The following TEDC1 variants were observed in gnomAD, a reference collection of about 807,000 sequenced individuals.
TEDC1 encodes tubulin epsilon and delta complex protein 1.
Under a neutral mutation model 59.9 loss-of-function variants are expected in TEDC1, and 54 were observed. The ratio of observed to expected loss-of-function variants is 0.90; its 90% CI spans 0.72 to 1.13. The LOEUF (loss-of-function observed/expected upper bound fraction) is 1.13. Among genes scored for constraint, TEDC1 ranks in the 50% most tolerant of loss-of-function variants. The pLI is 0.00. For synonymous variants in TEDC1, 353 were observed against 298.1 expected, an observed-to-expected ratio of 1.18 and a Z score of -1.90; for missense variants, 734 against 683.4, an observed-to-expected ratio of 1.07 and a Z score of -0.83.
At chr14:105,490,929 G>C, upstream of TEDC1, 2 of 1,155,954 alleles carry the variant, frequency 1.7e-6, no homozygotes, top group Non-Finnish European at 2.5e-6. Flanking sequence ...GTCGGGTGTC[G>C]TGACGATTGA....
intron 8 of TEDC1, among the ~76,000 whole-genome samples, 157 bp downstream of exon 8, chr14:105,498,134 C>T (rs1430478154): frequency 1.3e-5 from 2 of 152,200 alleles, no homozygotes; most frequent in Admixed American, 1.3e-4. Flanking sequence ...CGGGAGGGCA[C>T]CTGGTGAGGA....
At chr14:105,491,952 C>T (rs190216074) in intron 2 of TEDC1, among the ~76,000 whole-genome samples, 155 bp from the exon 3 acceptor site, 1 of 152,364 alleles carries the variant, frequency 6.6e-6, no homozygotes, top group African/African-American at 2.4e-5. Flanking sequence ...CCCTGGTCTC[C>T]TCATCCTGGT....
chr14:105,497,597 T>C, intron 7 of TEDC1, 154 bp downstream of exon 7: 1 of 1,130,390 alleles, frequency 8.8e-7, no homozygotes, highest in Non-Finnish European at 1.2e-6. Flanking sequence ...CCACTCGCCT[T>C]CTGGGGAGGC....
intron 4 of TEDC1, 151 bp from the exon 5 acceptor site, chr14:105,493,684 C>T (rs2084271357): frequency 3.2e-6 from 2 of 632,180 alleles, no homozygotes; most frequent in Non-Finnish European, 5.6e-6. Flanking sequence ...CCAGCCCCGC[C>T]AACCTCAGGC....
intron 8 of TEDC1, among the ~76,000 whole-genome samples, chr14:105,498,370 C>T (rs1451574545): frequency 1.3e-5 from 2 of 152,270 alleles, no homozygotes; most frequent in African/African-American, 4.8e-5. Flanking sequence ...CCCGCTTAAC[C>T]TGCGCAGGTT....
chr14:105,493,624 G>A (rs587772291), intron 4 of TEDC1, among the ~76,000 whole-genome samples: 6 of 152,220 alleles, frequency 3.9e-5, no homozygotes, highest in African/African-American at 9.6e-5. Flanking sequence ...ATTGCCTGGC[G>A]CCCCCTTGCA....
At chr14:105,493,096 C>T (rs1369513970) in intron 4 of TEDC1, among the ~76,000 whole-genome samples, 2 of 152,120 alleles carry the variant, frequency 1.3e-5, no homozygotes. Flanking sequence ...AGGAAGACAG[C>T]TCCTGTTGCC....
In TEDC1 at chr14:105,498,789, G is replaced by A. The variant is rs781999003; in HGVS notation, c.1331G>A (p.Arg444Gln). Residue 444 changes from arginine (R) to glutamine (Q), a missense_variant, in exon 9 of 9, where the codon CGG becomes CAG. By Grantham distance (43) the Arg-to-Gln change is conservative. Transcript: ENST00000392523. The stretch of plus-strand genomic sequence containing the variant: ...CGAGAGGATGGGGCAGCAGGGGACC[G>A]GGACCTGCGGGCAGCTGTGGTGATC... ...VRREDGAAGD[R>Q]DLRAAVVIRT... is the part of the protein sequence containing the mutation. 16 of 1,581,888 alleles carry A rather than the reference G, an allele frequency of 1.0e-5. No individual in the cohort carries two copies. The highest frequency in any genetic ancestry group is 4.6e-5 in the East Asian group (2 of 43,324).
intron 6 of TEDC1, 189 bp downstream of exon 6, chr14:105,496,275 T>C (rs1595476960): frequency 3.2e-6 from 2 of 631,310 alleles, no homozygotes; most frequent in Middle Eastern, 4.4e-4. Flanking sequence ...GTGGAGGCCT[T>C]TGCTCTTCTT....
At position 105,499,222 on chromosome 14, in the gene TEDC1, T is replaced by G; in HGVS notation, c.*276T>G. 1 of 531,258 alleles carries G rather than the reference T, an allele frequency of 1.9e-6. No individual in the cohort carries two copies. The highest frequency in any genetic ancestry group is 3.4e-6 in the Non-Finnish European group (1 of 298,384). 32.9% of individuals were successfully genotyped at this position (531,258 alleles called of 1,614,324 possible). On this transcript the variant is annotated 3_prime_UTR_variant, in exon 9 of 9. Transcript: ENST00000392523. ...GACTCGGAAATAAATTGTAGCAGCT[T>G]TCCTGCCGCTGGCCCTCCCCCTGCC...
At position 105,493,180 on chromosome 14, in the gene TEDC1, CAG is replaced by C. The variant is rs1203955299; in HGVS notation, c.585+447_585+448del. ...GTCCTGAAGGTGGCAGGGGCTGGCT[CAG>C]GGGCACAGGTACCCAGTGGTGTGTC... On this transcript the variant is annotated intron_variant, in intron 4 of 8. Coordinates refer to ENST00000392523, the MANE Select transcript of TEDC1 (RefSeq NM_001367178.1). 4.6e-5 allele frequency among the ~76,000 whole-genome samples: 7 copies of C among 152,146 alleles called. No homozygotes were observed. In the East Asian group the frequency reaches 1.2e-3, roughly 25 times the overall value.
At chr14:105,490,903 C>CT, upstream of TEDC1, 1 of 973,248 alleles carries the variant, frequency 1.0e-6, no homozygotes, top group Non-Finnish European at 1.6e-6. Context: ...TGGGTGGGGT[C>CT]TGAGCGAGGC....
upstream of TEDC1, chr14:105,490,807 G>C (rs587653715): frequency 4.1e-4 from 243 of 597,950 alleles, 2 homozygotes; most frequent in African/African-American, 4.1e-3. Flanking sequence ...CGCTCCGACT[G>C]CGTAAGCGGC....
intron 2 of TEDC1, 43 bp downstream of exon 2, chr14:105,491,743 C>T (rs2141783958): frequency 6.6e-7 from 1 of 1,525,552 alleles, no homozygotes; most frequent in South Asian, 1.2e-5. Context: ...AGCACTGGCC[C>T]CGCCTACTCC....
At chr14:105,491,803 C>T in intron 2 of TEDC1, 103 bp downstream of exon 2, 2 of 1,337,318 alleles carry the variant, frequency 1.5e-6, no homozygotes, top group South Asian at 1.3e-5. Context: ...GGCTCTAGCC[C>T]CCACCCAACA....
chr14:105,495,101 G>A (rs2084315745), intron 5 of TEDC1: 1 of 152,432 alleles, frequency 6.6e-6, no homozygotes, highest in Admixed American at 6.5e-5. Context: ...TCGAACTCCT[G>A]ACCTCTGGTG....
At chr14:105,493,477 C>T (rs1555439901) in intron 4 of TEDC1, among the ~76,000 whole-genome samples, 1 of 152,270 alleles carries the variant, frequency 6.6e-6, no homozygotes, top group East Asian at 1.9e-4. Context: ...CGTTCATGTC[C>T]CCACTGTGAG....
chr14:105,492,766 C>T, intron 4 of TEDC1, 32 bp downstream of exon 4: 2 of 1,533,376 alleles, frequency 1.3e-6, no homozygotes, highest in Non-Finnish European at 8.7e-7. Context: ...CACTCAGGGG[C>T]TGTGTCCCGT....
intron 4 of TEDC1, 40 bp from the exon 5 acceptor site, chr14:105,493,795 T>C: frequency 2.0e-6 from 3 of 1,472,982 alleles, no homozygotes; most frequent in Non-Finnish European, 2.8e-6. Flanking sequence ...GGGAGGTGCT[T>C]GACTGCCACT....
Sources: gnomAD v4.1 joint callset for allele counts (sites outside exome capture counted in the v4.1 genomes callset) on GRCh38, gnomAD v4.1.1 for gene constraint, MANE v1.5 for transcripts, NCBI Gene and HGNC (gene_info 2026-07-23, HGNC 2026-07-21) for gene names.